The following EDIL3 variants were observed in gnomAD, a reference collection of about 807,000 sequenced individuals.
EDIL3 encodes the protein EGF like and discoidin domains 3, also known as EGF-like repeat and discoidin I-like domain-containing protein 3.
A neutral mutation model predicts 67.4 loss-of-function variants in EDIL3; 37 were observed. That is an observed-to-expected ratio of 0.55 (90% confidence interval 0.42 to 0.72). EDIL3 has a LOEUF of 0.72. Ranked by LOEUF, EDIL3 falls within the 30% of genes least tolerant of loss-of-function variation. EDIL3 has a pLI of 0.00. For missense variants in EDIL3, 527 were observed against 586.3 expected (o/e 0.90, Z 1.04); for synonymous variants, 195 against 196.3 (o/e 0.99, Z 0.05).
chr5:84,143,171 T>A, intron 4 of EDIL3, among the ~76,000 whole-genome samples: 1 of 152,078 alleles, frequency 6.6e-6, no homozygotes. Context: ...GATGCTGAAC[T>A]TAATTATGTC....
At chr5:84,153,852 AATTGAT>A (rs1397590569) in intron 4 of EDIL3, among the ~76,000 whole-genome samples, 2 of 152,216 alleles carry the variant, frequency 1.3e-5, no homozygotes, top group Non-Finnish European at 2.9e-5. Flanking sequence ...AGCTACAGTT[AATTGAT>A]ATAACAATCA....
At chr5:84,371,685 G>A (rs1281426982) in intron 1 of EDIL3, among the ~76,000 whole-genome samples, 1 of 151,488 alleles carries the variant, frequency 6.6e-6, no homozygotes, top group East Asian at 1.9e-4. Context: ...TGAGGGGAAA[G>A]CATATCTCAT....
chr5:84,234,463 C>T lies in EDIL3; in HGVS notation c.197-4579G>A, dbSNP rs1744640941. 2.0e-5 allele frequency among the ~76,000 whole-genome samples: 3 copies of T among 152,156 alleles called. No individual in the cohort carries two copies. In the South Asian group the frequency reaches 6.2e-4, roughly 32 times the overall value. Reference sequence around the variant, plus strand: ...CCCAGGCCCAGTGGGCCGTATATTACCCTGATACAACACGATACTATAACA... The same window carrying T: ...CCCAGGCCCAGTGGGCCGTATATTATCCTGATACAACACGATACTATAACA... On this transcript the variant is annotated intron_variant, in intron 2 of 10. Coordinates refer to ENST00000296591, the MANE Select transcript of EDIL3 (RefSeq NM_005711.5).
chr5:84,169,489 C>T (rs188425198), intron 4 of EDIL3, among the ~76,000 whole-genome samples: 2 of 151,990 alleles, frequency 1.3e-5, no homozygotes, highest in South Asian at 2.1e-4. Context: ...AGTCAATATA[C>T]GAAATGGTTC....
chr5:84,237,757 G>A (rs1744708239), intron 2 of EDIL3, among the ~76,000 whole-genome samples: 1 of 151,964 alleles, frequency 6.6e-6, no homozygotes, highest in Non-Finnish European at 1.5e-5. Flanking sequence ...CCTTTTTGAT[G>A]CCATCAGCCT....
chr5:84,290,547 C>T (rs553756251), intron 1 of EDIL3, among the ~76,000 whole-genome samples: 1 of 152,198 alleles, frequency 6.6e-6, no homozygotes, highest in Non-Finnish European at 1.5e-5. Flanking sequence ...AAGAGTCTGA[C>T]CTTCTTTCTC....
At position 84,203,422 on chromosome 5, in the gene EDIL3, C is replaced by T. The variant is rs565981268; in HGVS notation, c.227-22901G>A. Among the ~76,000 whole-genome samples, 15 of 152,260 alleles carry T rather than the reference C, an allele frequency of 9.9e-5. No homozygotes were observed. In the South Asian group the frequency reaches 3.1e-3, roughly 32 times the overall value. ...AACTGATGTTGAATGAACCCCTTAA[C>T]AGGACTAAGTCATACAGGTAAATTA... On this transcript the variant is annotated intron_variant, in intron 3 of 10. Transcript: ENST00000296591.
At chr5:84,225,618 G>A (rs1300358859) in intron 3 of EDIL3, among the ~76,000 whole-genome samples, 2 of 151,070 alleles carry the variant, frequency 1.3e-5, no homozygotes, top group Non-Finnish European at 1.5e-5. Flanking sequence ...TAATTTTCTC[G>A]TTTATTATTT....
intron 1 of EDIL3, among the ~76,000 whole-genome samples, chr5:84,356,889 CT>C (rs1189590387): frequency 0.018 from 563 of 32,086 alleles, 3 homozygotes; most frequent in African/African-American, 0.048. Flanking sequence ...ATCTTTCTTT[CT>C]TTTTTTTTTT....
At chr5:84,296,713 T>C (rs1453575313) in intron 1 of EDIL3, among the ~76,000 whole-genome samples, 1 of 152,154 alleles carries the variant, frequency 6.6e-6, no homozygotes, top group East Asian at 1.9e-4. Context: ...TTTTGGCAAC[T>C]TCATCATAAA....
At chr5:84,341,452 T>C (rs1314423496) in intron 1 of EDIL3, among the ~76,000 whole-genome samples, 3 of 152,036 alleles carry the variant, frequency 2.0e-5, no homozygotes, top group East Asian at 1.9e-4. Flanking sequence ...CTCAGCCCCA[T>C]AGAAACAAAA....
chr5:84,280,206 C>T (rs1475048415), intron 1 of EDIL3, among the ~76,000 whole-genome samples: 1 of 152,156 alleles, frequency 6.6e-6, no homozygotes, highest in Non-Finnish European at 1.5e-5. Context: ...TTCTCTTTAA[C>T]TTTACTGAGT....
chr5:84,325,857 C>T (rs892879451), intron 1 of EDIL3, among the ~76,000 whole-genome samples: 1 of 152,048 alleles, frequency 6.6e-6, no homozygotes, highest in Admixed American at 6.6e-5. Context: ...ACTTTGAGAA[C>T]ATCTTGCTAA....
chr5:84,015,573 G>T (rs76382321), intron 9 of EDIL3, among the ~76,000 whole-genome samples: 1,597 of 152,158 alleles, frequency 0.01, 35 homozygotes, highest in African/African-American at 0.036. Context: ...AAAACTCTCA[G>T]TATTATATTA....
At chr5:84,013,803 T>C (rs893653939) in intron 9 of EDIL3, among the ~76,000 whole-genome samples, 5 of 152,184 alleles carry the variant, frequency 3.3e-5, no homozygotes, top group African/African-American at 1.2e-4. Flanking sequence ...CAAACCTGTC[T>C]TCCAGGGGAT....
At chr5:84,335,033 T>C (rs1290026297) in intron 1 of EDIL3, among the ~76,000 whole-genome samples, 3 of 152,196 alleles carry the variant, frequency 2.0e-5, no homozygotes, top group African/African-American at 7.2e-5. Context: ...AGTGCTAACA[T>C]ATTTCACTAA....
intron 5 of EDIL3, among the ~76,000 whole-genome samples, chr5:84,121,549 CTATCTAT>C (rs2112299250): frequency 8.1e-6 from 1 of 124,218 alleles, no homozygotes; most frequent in South Asian, 2.5e-4. Context: ...ATCTATCTAT[CTATCTAT>C]CTATCTATCT....
At chr5:84,206,210 T>A (rs1407510152) in intron 3 of EDIL3, among the ~76,000 whole-genome samples, 2 of 152,178 alleles carry the variant, frequency 1.3e-5, no homozygotes, top group African/African-American at 4.8e-5. Context: ...AGTTTCCATG[T>A]AGTTGAGTGG....
intron 1 of EDIL3, among the ~76,000 whole-genome samples, chr5:84,371,341 A>ATGTGTG (rs1554044710): frequency 9.6e-4 from 125 of 129,694 alleles, no homozygotes; most frequent in African/African-American, 3.1e-3. Flanking sequence ...ATATATATAT[A>ATGTGTG]TGTGTGTGTG....
Sources: gnomAD v4.1 joint callset for allele counts (sites outside exome capture counted in the v4.1 genomes callset) on GRCh38, gnomAD v4.1.1 for gene constraint, MANE v1.5 for transcripts, NCBI Gene and HGNC (gene_info 2026-07-23, HGNC 2026-07-21) for gene names.